HSD11B1L: variants seen among roughly 807,000 people sequenced by gnomAD.
The protein encoded by HSD11B1L is hydroxysteroid 11-beta-dehydrogenase 1-like protein.
Under a neutral mutation model 27.0 loss-of-function variants are expected in HSD11B1L, and 22 were observed. The ratio of observed to expected loss-of-function variants is 0.81; its 90% confidence interval spans 0.58 to 1.16. The LOEUF (loss-of-function observed/expected upper bound fraction) is 1.16, where lower values mean the gene tolerates loss of function less well. Among genes scored for constraint, HSD11B1L ranks in the 50% most tolerant of loss-of-function variants. The probability of loss-of-function intolerance (pLI) is 0.00; values close to 1 mark genes in which losing one functional copy is unlikely to be tolerated. For missense variants in HSD11B1L, 372 were observed against 401.8 expected (o/e 0.93, Z 0.63); for synonymous variants, 187 against 189.2 (o/e 0.99, Z 0.09).
intron 1 of HSD11B1L, among the ~76,000 whole-genome samples, chr19:5,681,761 C>T (rs752594317): frequency 2.0e-5 from 3 of 150,832 alleles, no homozygotes; most frequent in Non-Finnish European, 3.0e-5. Flanking sequence ...TACATCTCTC[C>T]GTCCATCATC....
At chr19:5,683,663 G>A (rs759593780) in intron 1 of HSD11B1L, among the ~76,000 whole-genome samples, 5 of 152,086 alleles carry the variant, frequency 3.3e-5, no homozygotes, top group Non-Finnish European at 7.4e-5. Flanking sequence ...AGGCTGAGGC[G>A]GGAGGATCAC....
At chr19:5,681,343 C>G (rs1469678618) in intron 1 of HSD11B1L, 72 bp downstream of exon 1, 2 of 152,316 alleles carry the variant, frequency 1.3e-5, no homozygotes, top group South Asian at 2.1e-4. Context: ...TAAGGCCCGC[C>G]GAGGTCAAGA....
rs1391332760 is a variant in HSD11B1L at position 5,685,410 on chromosome 19, T to A, written c.204+291T>A. ...GGCCAACATGGCGAAACCTGGTCTCTACTAAGAAGACAAAAATTAGGCCAG... is the reference window on the plus strand; with the variant it reads ...GGCCAACATGGCGAAACCTGGTCTCAACTAAGAAGACAAAAATTAGGCCAG... On this transcript the variant is annotated intron_variant, in intron 3 of 7. Coordinates refer to ENST00000339423, the MANE Select transcript of HSD11B1L (RefSeq NM_198706.3). The surrounding 1 kb of genome is among the most constrained non-coding windows in gnomAD (Gnocchi z 4.3). The A allele has an allele frequency of 4.0e-6, 2 of 501,942 alleles. No homozygotes were observed. Among genetic ancestry groups the A allele is most frequent in the Non-Finnish European group, 7.5e-6 (2 of 265,254 alleles). 31.1% of individuals were successfully genotyped at this position (501,942 alleles called of 1,614,324 possible). A position where few individuals can be genotyped will look rare whatever the true frequency, so the allele number is the denominator to read the frequency against.
At chr19:5,684,165 G>A in intron 1 of HSD11B1L, 1 of 396,362 alleles carries the variant, frequency 2.5e-6, no homozygotes, top group South Asian at 1.1e-4. Flanking sequence ...ACAGGCGCCT[G>A]CCACCGCGCC....
At chr19:5,682,310 G>A (rs1256915674) in intron 1 of HSD11B1L, among the ~76,000 whole-genome samples, 3 of 152,182 alleles carry the variant, frequency 2.0e-5, no homozygotes, top group Admixed American at 2.0e-4. Flanking sequence ...GGGGAAGCCA[G>A]TGTGGAGGTG....
chr19:5,684,364 C>G (rs1174996310), intron 1 of HSD11B1L: 3 of 330,660 alleles, frequency 9.1e-6, no homozygotes, highest in African/African-American at 6.4e-5. Flanking sequence ...AGAGAGCAAG[C>G]CATTGGGTTA....
intron 3 of HSD11B1L, 109 bp from the exon 4 acceptor site, chr19:5,686,307 G>A: frequency 1.3e-6 from 1 of 742,560 alleles, no homozygotes. Context: ...CCGAGGCTCA[G>A]AGTAGGGGGG....
rs375620357 is a variant in HSD11B1L, at chr19:5,684,898, C to T, written c.66C>T (p.Phe22=). Residue 22 remains phenylalanine, a synonymous_variant, in exon 2 of 8, where the codon TTC becomes TTT. Coordinates refer to ENST00000339423, the MANE Select transcript of HSD11B1L (RefSeq NM_198706.3). ...LFFAYYWDDN[F]DPASLQGARV... is the part of the protein sequence containing the mutation. ...TCGCCTATTATTGGGATGACAACTT[C>T]GACCCAGGTGAGCACCTGGGGTTGA... is the stretch of plus-strand genomic sequence containing the variant. 1.9e-5 allele frequency: 31 copies of T among 1,613,652 alleles called. No individual in the cohort carries two copies. The highest frequency in any genetic ancestry group is 1.2e-4 in the Admixed American group (7 of 59,992).
intron 1 of HSD11B1L, among the ~76,000 whole-genome samples, chr19:5,683,243 TTC>T (rs72396803): frequency 0.036 from 5,432 of 151,044 alleles, 364 homozygotes; most frequent in African/African-American, 0.13. Context: ...CCTGGACTGT[TTC>T]TCTCTTTCAC....
chr19:5,686,664 G>T, intron 4 of HSD11B1L, 137 bp downstream of exon 4: 2 of 735,120 alleles, frequency 2.7e-6, no homozygotes, highest in Non-Finnish European at 2.2e-6. Context: ...GGGCGTGGGC[G>T]GGGTGGAGTC....
intron 1 of HSD11B1L, among the ~76,000 whole-genome samples, chr19:5,681,688 A>G (rs1450072192): frequency 1.3e-5 from 2 of 151,010 alleles, no homozygotes; most frequent in Non-Finnish European, 2.9e-5. Flanking sequence ...CCATCCATCC[A>G]TCCATTTATG....
In HSD11B1L at chr19:5,685,826, C is replaced by A. The variant is rs2054676166; in HGVS notation, c.205-590C>A. 6.6e-6 allele frequency among the ~76,000 whole-genome samples: 1 copy of A among 152,112 alleles called. No homozygotes were observed. Among genetic ancestry groups the A allele is most frequent in the Admixed American group, 6.5e-5 (1 of 15,278 alleles). On this transcript the variant is annotated intron_variant, in intron 3 of 7. Transcript: ENST00000339423. The surrounding 1 kb of genome is among the most constrained non-coding windows in gnomAD (Gnocchi z 4.3). ...GGCTGAGTCAGGAGAATCACTTGAA[C>A]CCCGGAGGCAGAGGTTGCAGTGAGC... is the stretch of plus-strand genomic sequence containing the variant.
At chr19:5,683,459 T>C (rs1032383240) in intron 1 of HSD11B1L, among the ~76,000 whole-genome samples, 1 of 152,092 alleles carries the variant, frequency 6.6e-6, no homozygotes, top group Non-Finnish European at 1.5e-5. Context: ...ATCTGGTACC[T>C]ATTGAGCACC....
chr19:5,686,763 G>A, intron 4 of HSD11B1L, 137 bp from the exon 5 acceptor site: 1 of 753,932 alleles, frequency 1.3e-6, no homozygotes, highest in Non-Finnish European at 2.1e-6. Flanking sequence ...CCAAGGCTGG[G>A]TGTCTTTGAT....
rs374998691 is a variant in HSD11B1L, at chr19:5,688,517, C to T, written c.*572C>T. 1.5e-3 allele frequency: 427 copies of T among 285,162 alleles called. 10 individuals are homozygous for T. In the South Asian group the frequency reaches 0.028, roughly 19 times the overall value. The allele number at this position is 285,162 out of a possible 1,614,324, so 17.7% of individuals were successfully genotyped here. A position where few individuals can be genotyped will look rare whatever the true frequency, so the allele number is the denominator to read the frequency against. On this transcript the variant is annotated 3_prime_UTR_variant, in exon 8 of 8. Transcript: ENST00000339423. The stretch of plus-strand genomic sequence containing the variant: ...GTTCGAGAATAAAAACTCTTCTTCT[C>T]TTGCATATCTGTTGTTCAAATTCCT...
rs751013061 is a variant in HSD11B1L, at chr19:5,687,545, A to G, written c.545A>G (p.Lys182Arg). 6.3e-7 allele frequency: 1 copy of G among 1,599,950 alleles called. No homozygotes were observed. Among genetic ancestry groups the G allele is most frequent in the Non-Finnish European group, 8.5e-7 (1 of 1,179,510 alleles). Residue 182 changes from lysine to arginine, a missense_variant, in exon 7 of 8, where the codon AAG becomes AGG. Physicochemically the swap from Lys to Arg is conservative, Grantham distance 26 (BLOSUM62 2). Transcript: ENST00000339423. This position sits in a 1 kb window ranked among gnomAD's most constrained non-coding sequence, Gnocchi z 6.6. ...TSFSTPYSAA[K>R]FALDGFFGSL... ...TTCTCCACTCCCTACTCGGCGGCCAAGTTTGCGCTGGACGGCTTCTTCGGC... is the reference window on the plus strand; with the variant it reads ...TTCTCCACTCCCTACTCGGCGGCCAGGTTTGCGCTGGACGGCTTCTTCGGC...
chr19:5,687,834 C>A lies in HSD11B1L; in HGVS notation c.750C>A (p.Gly250=). The A allele has an allele frequency of 6.4e-7, 1 of 1,561,316 alleles. No homozygotes were observed. The highest frequency in any genetic ancestry group is 8.7e-7 in the Non-Finnish European group (1 of 1,155,262). The change falls in exon 8 of 8, where the codon GGC becomes GGA. Residue 250 remains glycine, a synonymous_variant. Coordinates refer to ENST00000339423, the MANE Select transcript of HSD11B1L (RefSeq NM_198706.3). The surrounding 1 kb of genome is among the most constrained non-coding windows in gnomAD (Gnocchi z 6.6). ...VIRGGATRAA[G]VFYPWRFRLL... ...GCGGCGGCGCCACGCGCGCGGCCGG[C>A]GTCTTCTACCCGTGGCGTTTCCGCC...
In HSD11B1L at chr19:5,685,373, C is replaced by T; in HGVS notation, c.204+254C>T. The T allele has an allele frequency of 1.6e-6, 1 of 618,738 alleles. No individual in the cohort carries two copies. 38.3% of individuals were successfully genotyped at this position (618,738 alleles called of 1,614,324 possible). On this transcript the variant is annotated intron_variant, in intron 3 of 7. Coordinates refer to ENST00000339423, the MANE Select transcript of HSD11B1L (RefSeq NM_198706.3). The surrounding 1 kb of genome is among the most constrained non-coding windows in gnomAD (Gnocchi z 4.3). ...AGTGGATCACCTGAGGTCAGGAGTTCAAGACCAGCCTGGCCAACATGGCGA... is the reference window on the plus strand; with the variant it reads ...AGTGGATCACCTGAGGTCAGGAGTTTAAGACCAGCCTGGCCAACATGGCGA...
intron 1 of HSD11B1L, chr19:5,684,021 G>T: frequency 2.1e-6 from 1 of 469,092 alleles, no homozygotes; most frequent in South Asian, 4.1e-5. Flanking sequence ...TTGTTGCCTA[G>T]GCTGGAGTGC....
Sources: gnomAD v4.1 joint callset for allele counts (sites outside exome capture counted in the v4.1 genomes callset) on GRCh38, gnomAD v4.1.1 for gene constraint, Gnocchi (gnomAD v3.1) non-coding constraint, MANE v1.5 for transcripts, NCBI Gene and HGNC (gene_info 2026-07-23, HGNC 2026-07-21) for gene names.